The following WDR89 variants were observed in gnomAD, a reference collection of about 807,000 sequenced individuals.
The protein encoded by WDR89 is WD repeat domain 89, also known as WD repeat-containing protein 89.
Under a neutral mutation model 29.1 loss-of-function variants are expected in WDR89, and 17 were observed. The observed-to-expected ratio is 0.58, with a 90% confidence interval of 0.40 to 0.88. WDR89 has a LOEUF of 0.88. WDR89 is among the 40% of genes least tolerant of loss of function. The pLI is 0.00. For missense variants in WDR89, 396 were observed against 456.3 expected, an observed-to-expected ratio of 0.87 and a Z score of 1.20; for synonymous variants, 138 against 157.8, an observed-to-expected ratio of 0.87 and a Z score of 0.94.
chr14:63,624,687 T>C (rs1003383524), intron 2 of WDR89, among the ~76,000 whole-genome samples: 4 of 152,134 alleles, frequency 2.6e-5, no homozygotes, highest in African/African-American at 9.7e-5. Context: ...AAAGAAGATA[T>C]ATGAATGACA....
chr14:63,633,242 T>A (rs1192626408), intron 1 of WDR89, among the ~76,000 whole-genome samples: 1 of 151,592 alleles, frequency 6.6e-6, no homozygotes, highest in Non-Finnish European at 1.5e-5. Flanking sequence ...TGTGTGTAAG[T>A]ATATATATAT....
intron 1 of WDR89, among the ~76,000 whole-genome samples, chr14:63,641,034 G>A (rs1431891316): frequency 2.7e-5 from 4 of 145,764 alleles, no homozygotes; most frequent in African/African-American, 1.0e-4. Flanking sequence ...GGGGGCGGAG[G>A]TTGCAGTAAG....
At chr14:63,617,077 C>CTTTTTT (rs10602220) in intron 2 of WDR89, among the ~76,000 whole-genome samples, 1 of 104,124 alleles carries the variant, frequency 9.6e-6, no homozygotes, top group African/African-American at 4.2e-5. Flanking sequence ...TAATTACAAG[C>CTTTTTT]TTTTTTTTTT....
At chr14:63,617,468 T>C (rs1852754362) in intron 2 of WDR89, among the ~76,000 whole-genome samples, 1 of 152,012 alleles carries the variant, frequency 6.6e-6, no homozygotes, top group Non-Finnish European at 1.5e-5. Context: ...TAAACTGTGG[T>C]ATGTTAATAC....
intron 1 of WDR89, among the ~76,000 whole-genome samples, chr14:63,638,259 A>T (rs967489789): frequency 7.2e-5 from 11 of 152,090 alleles, no homozygotes; most frequent in Middle Eastern, 3.4e-3. Flanking sequence ...AGTAAGTTTT[A>T]AAAAAAAGTC....
chr14:63,622,123 G>T lies in WDR89; in HGVS notation c.-32+2805C>A, dbSNP rs1021272404. Among the ~76,000 whole-genome samples, 8 of 152,162 alleles carry T rather than the reference G, an allele frequency of 5.3e-5. No homozygotes were observed. The East Asian group carries it at 1.3e-3, about 26-fold the overall frequency. On this transcript the variant is annotated intron_variant, in intron 2 of 2. Coordinates refer to ENST00000620954, the MANE Select transcript of WDR89 (RefSeq NM_080666.4). ...AAAAACTAGTAATAACAAACCAAGG[G>T]ATTTATGACAGGTCAAAGTAAAGTG... is the stretch of plus-strand genomic sequence containing the variant.
chr14:63,613,885 G>A (rs1488536615), intron 2 of WDR89, among the ~76,000 whole-genome samples: 1 of 141,360 alleles, frequency 7.1e-6, no homozygotes, highest in Non-Finnish European at 1.5e-5. Flanking sequence ...CTGTATGTAA[G>A]CAATCCTCCT....
chr14:63,632,326 A>G (rs1254169065), intron 1 of WDR89, among the ~76,000 whole-genome samples: 1 of 151,418 alleles, frequency 6.6e-6, no homozygotes, highest in Non-Finnish European at 1.5e-5. Context: ...AGGAAGTAGC[A>G]GCACTTAAAA....
At chr14:63,612,179 T>A (rs1024743711) in intron 2 of WDR89, among the ~76,000 whole-genome samples, 19 of 152,084 alleles carry the variant, frequency 1.2e-4, no homozygotes, top group Non-Finnish European at 5.9e-5. Context: ...CAATCAGGAC[T>A]ACCACCAACA....
At chr14:63,634,867 T>A (rs868274244) in intron 1 of WDR89, among the ~76,000 whole-genome samples, 5 of 115,514 alleles carry the variant, frequency 4.3e-5, no homozygotes, top group African/African-American at 1.9e-4. Context: ...CGAAACTACA[T>A]CTCAAAAAAA....
intron 2 of WDR89, among the ~76,000 whole-genome samples, chr14:63,619,150 T>C (rs769881049): frequency 5.9e-5 from 9 of 152,148 alleles, no homozygotes; most frequent in African/African-American, 1.9e-4. Context: ...AAACCTCCTG[T>C]TGGGGCCTGC....
Position 63,635,191 on chromosome 14 carries a change from A to G in WDR89, c.-138+6613T>C, listed in dbSNP as rs188348789. Among the ~76,000 whole-genome samples the G allele has an allele frequency of 8.5e-3, 1,299 of 152,264 alleles. 14 individuals carry two copies. The highest frequency in any genetic ancestry group is 0.029 in the African/African-American group (1,215 of 41,544). ...ACATAACCAAAAAACAAAACTATAGACCAATATCCTTGATGAACATAAATG... is the reference window on the plus strand; with the variant it reads ...ACATAACCAAAAAACAAAACTATAGGCCAATATCCTTGATGAACATAAATG... On this transcript the variant is annotated intron_variant, in intron 1 of 2. Coordinates refer to ENST00000620954, the MANE Select transcript of WDR89 (RefSeq NM_080666.4).
intron 2 of WDR89, chr14:63,601,640 A>C: frequency 6.2e-7 from 1 of 1,613,426 alleles, no homozygotes; most frequent in Non-Finnish European, 8.5e-7. Context: ...TGCAAGCAAC[A>C]GTAGTCGCTG....
intron 2 of WDR89, among the ~76,000 whole-genome samples, chr14:63,607,630 C>T (rs1228483690): frequency 2.6e-5 from 4 of 151,676 alleles, no homozygotes; most frequent in Non-Finnish European, 4.4e-5. Flanking sequence ...ATCTGTAATC[C>T]CAGCACTTTG....
Position 63,634,533 on chromosome 14 carries a change from AAG to A in WDR89, c.-138+7269_-138+7270del, listed in dbSNP as rs1555375791. Among the ~76,000 whole-genome samples the A allele has an allele frequency of 5.7e-3, 868 of 151,920 alleles. 10 individuals carry two copies. Among genetic ancestry groups the A allele is most frequent in the African/African-American group, 0.02 (820 of 41,402 alleles). On this transcript the variant is annotated intron_variant, in intron 1 of 2. Coordinates refer to ENST00000620954, the MANE Select transcript of WDR89 (RefSeq NM_080666.4). Reference sequence around the variant, plus strand: ...CGAGACTCCCTCTCAAAAAAAAAAAAAGAGAAGTGAAGGGAGAAATATTCAGG... The same window carrying A: ...CGAGACTCCCTCTCAAAAAAAAAAAAAGAAGTGAAGGGAGAAATATTCAGG...
chr14:63,636,300 T>C (rs867802508), intron 1 of WDR89, among the ~76,000 whole-genome samples: 6 of 152,242 alleles, frequency 3.9e-5, no homozygotes, highest in Non-Finnish European at 4.4e-5. Context: ...CCCATGTTCA[T>C]GGACGGGTAG....
At chr14:63,609,792 A>T (rs1233298498) in intron 2 of WDR89, among the ~76,000 whole-genome samples, 1 of 152,096 alleles carries the variant, frequency 6.6e-6, no homozygotes, top group Non-Finnish European at 1.5e-5. Flanking sequence ...GTCTCAACAA[A>T]AAAATAAAAT....
intron 1 of WDR89, among the ~76,000 whole-genome samples, chr14:63,627,148 A>ACTCTCT (rs1216848834): frequency 1.2e-3 from 159 of 128,368 alleles, no homozygotes; most frequent in African/African-American, 4.5e-3. Flanking sequence ...ACACACACAC[A>ACTCTCT]CACTCTCTCT....
At position 63,598,637 on chromosome 14, in the gene WDR89, A is replaced by C. The variant is rs1336228853; in HGVS notation, c.*142T>G. Reference sequence around the variant, plus strand: ...TAGAATATGTGAAGACCGGAATTAAACCATTCTCACCATATTTTTCCAGGA... The same window carrying C: ...TAGAATATGTGAAGACCGGAATTAACCCATTCTCACCATATTTTTCCAGGA... On this transcript the variant is annotated 3_prime_UTR_variant, in exon 3 of 3. Transcript: ENST00000620954. 1 of 689,402 alleles carries C rather than the reference A, an allele frequency of 1.5e-6. No individual in the cohort carries two copies. Among genetic ancestry groups the C allele is most frequent in the Non-Finnish European group, 2.1e-6 (1 of 466,604 alleles). The allele number at this position is 689,402 out of a possible 1,614,324, so 42.7% of individuals were successfully genotyped here.
Sources: gnomAD v4.1 joint callset for allele counts (sites outside exome capture counted in the v4.1 genomes callset) on GRCh38, gnomAD v4.1.1 for gene constraint, MANE v1.5 for transcripts, NCBI Gene and HGNC (gene_info 2026-07-23, HGNC 2026-07-21) for gene names.